Variants in PCDH7 observed in about 807,000 individuals in gnomAD.
The protein encoded by PCDH7 is protocadherin-7.
A neutral mutation model predicts 58.9 loss-of-function variants in PCDH7; 17 were observed. The observed-to-expected ratio is 0.29, with a 90% confidence interval of 0.20 to 0.43. The LOEUF is 0.43. PCDH7 is among the 20% of genes least tolerant of loss of function. PCDH7 has a pLI of 1.00. For synonymous variants in PCDH7, 664 were observed against 616.4 expected (o/e 1.08, Z -1.14); for missense variants, 1,274 against 1,441.0 (o/e 0.88, Z 1.88).
chr4:30,866,113 T>G (rs1734850112), intron 1 of PCDH7, among the ~76,000 whole-genome samples: 1 of 152,094 alleles, frequency 6.6e-6, no homozygotes, highest in African/African-American at 2.4e-5. Flanking sequence ...CTTGAGTTAT[T>G]TCTGCTCATT....
intron 1 of PCDH7, among the ~76,000 whole-genome samples, chr4:30,810,795 A>G (rs1726895890): frequency 6.6e-6 from 1 of 151,994 alleles, no homozygotes; most frequent in African/African-American, 2.4e-5. Flanking sequence ...ATTTTAGTAG[A>G]TATGGAGTTT....
chr4:30,876,068 T>C (rs922405249), intron 1 of PCDH7, among the ~76,000 whole-genome samples: 5 of 152,146 alleles, frequency 3.3e-5, no homozygotes, highest in Non-Finnish European at 7.4e-5. Flanking sequence ...TGTTCTGTAA[T>C]ATCAGTAAAG....
rs550086871 is a variant in PCDH7 at position 30,841,011 on chromosome 4, TA to T, written c.71-79136del. ...TTGCAAAAGCATTTTAAATGACAAC[TA>T]AAAAATACACTTAAAACGTAAGACT... On this transcript the variant is annotated intron_variant, in intron 1 of 3. Transcript: ENST00000509759. Among the ~76,000 whole-genome samples the T allele has an allele frequency of 1.3e-3, 194 of 152,102 alleles. 1 individual carries two copies. The highest frequency in any genetic ancestry group is 2.4e-3 in the Non-Finnish European group (161 of 67,970).
intron 3 of PCDH7, among the ~76,000 whole-genome samples, chr4:31,061,058 C>T (rs1757650972): frequency 6.6e-6 from 1 of 151,668 alleles, no homozygotes; most frequent in Non-Finnish European, 1.5e-5. Context: ...AAAATACAAA[C>T]TTCTCTTAGA....
rs1337654604 is a variant in PCDH7 at position 30,843,805 on chromosome 4, T to A, written c.71-76348T>A. On this transcript the variant is annotated intron_variant, in intron 1 of 3. Transcript: ENST00000509759. ...AAAATCTATTTAAGTTTACATGGAC[T>A]GCACTTTCTCTTACAGACATAAATG... Among the ~76,000 whole-genome samples the A allele has an allele frequency of 4.6e-5, 7 of 152,160 alleles. No individual in the cohort carries two copies. The East Asian group carries it at 1.3e-3, about 29-fold the overall frequency.
At chr4:31,109,063 G>A (rs923120905) in intron 3 of PCDH7, among the ~76,000 whole-genome samples, 1 of 152,094 alleles carries the variant, frequency 6.6e-6, no homozygotes, top group African/African-American at 2.4e-5. Flanking sequence ...GCTGGCTCAG[G>A]CTTGTTCCCA....
chr4:30,824,087 CTTTCT>C (rs1728731854), intron 1 of PCDH7, among the ~76,000 whole-genome samples: 4 of 19,558 alleles, frequency 2.0e-4, no homozygotes, highest in African/African-American at 1.0e-3. Flanking sequence ...TCTTTTCTTT[CTTTCT>C]TTCTTTCTTT....
chr4:31,091,350 G>A (rs545265750), intron 3 of PCDH7, among the ~76,000 whole-genome samples: 1 of 151,848 alleles, frequency 6.6e-6, no homozygotes, highest in South Asian at 2.1e-4. Context: ...ACATATATAT[G>A]TATATATGCT....
chr4:30,797,058 T>A (rs1724876336), intron 1 of PCDH7, among the ~76,000 whole-genome samples: 1 of 151,750 alleles, frequency 6.6e-6, no homozygotes, highest in African/African-American at 2.4e-5. Context: ...CCTCTCGGAC[T>A]CAAGCAATTC....
chr4:31,057,061 T>A (rs1480329579), intron 3 of PCDH7, among the ~76,000 whole-genome samples: 1 of 152,244 alleles, frequency 6.6e-6, no homozygotes, highest in African/African-American at 2.4e-5. Context: ...TTTGTTTAAG[T>A]CTATTCATTT....
At chr4:31,055,646 G>A (rs1026285831) in intron 3 of PCDH7, among the ~76,000 whole-genome samples, 2 of 151,642 alleles carry the variant, frequency 1.3e-5, no homozygotes, top group Admixed American at 6.6e-5. Flanking sequence ...GCATGATCTC[G>A]GCTCGCTGCA....
chr4:30,862,283 G>A (rs1490786163), intron 1 of PCDH7, among the ~76,000 whole-genome samples: 1 of 152,194 alleles, frequency 6.6e-6, no homozygotes, highest in Non-Finnish European at 1.5e-5. Context: ...GAATTTCAGA[G>A]AGGGATGCCA....
intron 3 of PCDH7, among the ~76,000 whole-genome samples, chr4:30,998,804 C>T (rs768668064): frequency 5.9e-5 from 9 of 151,814 alleles, no homozygotes; most frequent in African/African-American, 1.2e-4. Context: ...TGGAGAGGGA[C>T]GTCATTACAT....
At chr4:30,754,835 C>T (rs568353322) in intron 1 of PCDH7, among the ~76,000 whole-genome samples, 3 of 152,132 alleles carry the variant, frequency 2.0e-5, no homozygotes, top group Non-Finnish European at 2.9e-5. Flanking sequence ...GATGGGTGTA[C>T]CTAATTGTTT....
At chr4:30,806,124 T>C (rs1288356871) in intron 1 of PCDH7, among the ~76,000 whole-genome samples, 1 of 152,158 alleles carries the variant, frequency 6.6e-6, no homozygotes, top group African/African-American at 2.4e-5. Context: ...AACCTGTATG[T>C]CCTTTCATTA....
intron 1 of PCDH7, among the ~76,000 whole-genome samples, chr4:30,803,079 G>A (rs1049696682): frequency 2.6e-5 from 4 of 152,126 alleles, no homozygotes; most frequent in Non-Finnish European, 4.4e-5. Context: ...AAGCCAGGAA[G>A]GATTAGACAC....
intron 3 of PCDH7, among the ~76,000 whole-genome samples, chr4:30,970,460 A>G (rs546410024): frequency 1.5e-5 from 2 of 130,462 alleles, no homozygotes; most frequent in South Asian, 5.1e-4. Flanking sequence ...ACGCCTGGCT[A>G]ATTTTTTGTA....
downstream of PCDH7, chr4:31,144,775 T>C (rs1720568655): frequency 1.3e-5 from 2 of 152,260 alleles, no homozygotes; most frequent in South Asian, 2.1e-4. Flanking sequence ...AGTTTATGTA[T>C]AATAGGTAGG....
At chr4:30,837,294 C>A (rs1730604433) in intron 1 of PCDH7, among the ~76,000 whole-genome samples, 1 of 151,916 alleles carries the variant, frequency 6.6e-6, no homozygotes, top group African/African-American at 2.4e-5. Flanking sequence ...CTATCCAGGG[C>A]CCTGCATGGA....
Sources: gnomAD v4.1 joint callset for allele counts (sites outside exome capture counted in the v4.1 genomes callset) on GRCh38, gnomAD v4.1.1 for gene constraint, MANE v1.5 for transcripts, NCBI Gene and HGNC (gene_info 2026-07-23, HGNC 2026-07-21) for gene names.